The following ZNF362 variants were observed in gnomAD, a reference collection of about 807,000 sequenced individuals.
ZNF362 encodes the protein rotund homolog.
A neutral mutation model predicts 42.9 loss-of-function variants in ZNF362; 11 were observed. That is an observed-to-expected ratio of 0.26 (90% CI 0.16 to 0.42). The LOEUF is 0.42. ZNF362 is among the 20% of genes least tolerant of loss of function. The pLI is 1.00. For synonymous variants in ZNF362, 255 were observed against 257.3 expected, an observed-to-expected ratio of 0.99 and a Z score of 0.09; for missense variants, 362 against 576.2, an observed-to-expected ratio of 0.63 and a Z score of 3.81.
chr1:33,203,747 G>A, the ZNF362 span, among the ~76,000 whole-genome samples: 1 of 152,096 alleles, frequency 6.6e-6, no homozygotes, highest in Admixed American at 6.6e-5. Flanking sequence ...TTTCATACAC[G>A]TATTGACCAT....
the ZNF362 span, among the ~76,000 whole-genome samples, chr1:33,152,686 A>C: frequency 6.6e-6 from 1 of 152,212 alleles, no homozygotes; most frequent in Non-Finnish European, 1.5e-5. Flanking sequence ...ATTACAAACA[A>C]ATAATTTAAT....
chr1:33,236,643 G>A, the ZNF362 span, among the ~76,000 whole-genome samples: 347 of 139,340 alleles, frequency 2.5e-3, 2 homozygotes, highest in African/African-American at 8.7e-3. Context: ...TTGTAGTTTA[G>A]TCTAGTCTAG....
At chr1:33,213,888 A>AC in the ZNF362 span, among the ~76,000 whole-genome samples, 1 of 151,964 alleles carries the variant, frequency 6.6e-6, no homozygotes, top group South Asian at 2.1e-4. Context: ...AAAAAAAACA[A>AC]AACAACAACA....
At chr1:33,234,797 C>T in the ZNF362 span, among the ~76,000 whole-genome samples, 1 of 152,164 alleles carries the variant, frequency 6.6e-6, no homozygotes, top group Non-Finnish European at 1.5e-5. Flanking sequence ...CTCTGAGGTC[C>T]CTTCCAGAGC....
chr1:33,229,861 C>T, the ZNF362 span, among the ~76,000 whole-genome samples: 15 of 152,182 alleles, frequency 9.9e-5, no homozygotes, highest in African/African-American at 3.6e-4. Context: ...AGGCTTTTGC[C>T]ACATACATTT....
At chr1:33,141,570 A>C in the ZNF362 span, among the ~76,000 whole-genome samples, 1 of 152,212 alleles carries the variant, frequency 6.6e-6, no homozygotes, top group African/African-American at 2.4e-5. Flanking sequence ...CTCTGATGCC[A>C]GCTTCCTGAA....
At chr1:33,202,466 C>T in the ZNF362 span, among the ~76,000 whole-genome samples, 1 of 151,920 alleles carries the variant, frequency 6.6e-6, no homozygotes, top group East Asian at 1.9e-4. Context: ...GGCATGGTGG[C>T]GGCCGCCTGT....
the ZNF362 span, among the ~76,000 whole-genome samples, chr1:33,245,240 C>A: frequency 6.6e-6 from 1 of 152,112 alleles, no homozygotes; most frequent in African/African-American, 2.4e-5. Context: ...GGTATTTGCC[C>A]CATTTTTACA....
intron 1 of ZNF362, among the ~76,000 whole-genome samples, chr1:33,268,555 C>T (rs940522050): frequency 1.3e-5 from 2 of 152,146 alleles, no homozygotes; most frequent in African/African-American, 2.4e-5. Context: ...CACAGTGTAG[C>T]TCAGGCATGG....
At chr1:33,257,664 C>T (rs537372749) in intron 1 of ZNF362, among the ~76,000 whole-genome samples, 2 of 152,174 alleles carry the variant, frequency 1.3e-5, no homozygotes, top group South Asian at 2.1e-4. Context: ...GGAGCTAGAT[C>T]CTCAGATCTG....
At chr1:33,172,498 G>A in the ZNF362 span, among the ~76,000 whole-genome samples, 3 of 152,228 alleles carry the variant, frequency 2.0e-5, no homozygotes, top group Admixed American at 2.0e-4. Context: ...ACTGGAGGAG[G>A]CCTTGAATGT....
intron 7 of ZNF362, 58 bp downstream of exon 7, chr1:33,295,073 C>T (rs913053729): frequency 2.5e-6 from 4 of 1,612,740 alleles, no homozygotes; most frequent in Admixed American, 1.7e-5. Context: ...CACCCACCCC[C>T]ACAAGGAAGC....
the ZNF362 span, among the ~76,000 whole-genome samples, chr1:33,161,101 T>C: frequency 6.6e-6 from 1 of 152,240 alleles, no homozygotes; most frequent in African/African-American, 2.4e-5. This position sits in a 1 kb window ranked among gnomAD's most constrained non-coding sequence, Gnocchi z 4.3. Context: ...TAACAAAAAC[T>C]GCATTGTAGG....
chr1:33,179,489 G>A, the ZNF362 span, among the ~76,000 whole-genome samples: 4 of 152,126 alleles, frequency 2.6e-5, no homozygotes, highest in Non-Finnish European at 5.9e-5. Flanking sequence ...TGAGTATCTC[G>A]AGGCCAGAGA....
the ZNF362 span, among the ~76,000 whole-genome samples, chr1:33,168,166 A>C: frequency 3.3e-5 from 5 of 152,188 alleles, no homozygotes; most frequent in Admixed American, 1.3e-4. Context: ...AATGGGGGTA[A>C]GATAGAAAAA....
chr1:33,290,833 CAT>C (rs1428243798), intron 6 of ZNF362, among the ~76,000 whole-genome samples: 5 of 152,322 alleles, frequency 3.3e-5, no homozygotes, highest in African/African-American at 9.6e-5. Context: ...AGCATTTTTT[CAT>C]ATGTCTTTTG....
the ZNF362 span, among the ~76,000 whole-genome samples, chr1:33,136,113 CCCTTCCTT>C: frequency 0.16 from 16,522 of 103,456 alleles, 1,390 homozygotes; most frequent in Middle Eastern, 0.22. Flanking sequence ...CAGGGGCCAG[CCCTTCCTT>C]CCTTCCTTCC....
At chr1:33,225,919 G>A in the ZNF362 span, among the ~76,000 whole-genome samples, 60 of 152,252 alleles carry the variant, frequency 3.9e-4, no homozygotes, top group Middle Eastern at 6.8e-3. Context: ...CCCATTTACT[G>A]CAGTGTTCCC....
the ZNF362 span, chr1:33,165,410 G>A: frequency 8.5e-7 from 1 of 1,177,670 alleles, no homozygotes; most frequent in Non-Finnish European, 1.2e-6. This position sits in a 1 kb window ranked among gnomAD's most constrained non-coding sequence, Gnocchi z 4.0. Flanking sequence ...AGCTGGCCCC[G>A]CCCCTCGAAG....
Sources: allele counts gnomAD v4.1 joint callset (sites outside exome capture counted in the v4.1 genomes callset), GRCh38; gene constraint gnomAD v4.1.1; non-coding constraint Gnocchi (gnomAD v3.1); transcripts MANE v1.5; gene names NCBI Gene and HGNC (gene_info 2026-07-23, HGNC 2026-07-21).